The following ADGRV1 variants were observed in gnomAD, a reference collection of about 807,000 sequenced individuals.
ADGRV1 encodes adhesion G protein-coupled receptor V1.
In ADGRV1, 359 loss-of-function variants were observed where a neutral mutation model predicts 596.2. That is an observed-to-expected ratio of 0.60 (90% CI 0.55 to 0.66). The LOEUF is 0.66. Among genes scored for constraint, ADGRV1 ranks in the 30% least tolerant of loss-of-function variants. The pLI is 0.00. For missense variants in ADGRV1, 7,274 were observed against 7,575.6 expected (o/e 0.96, Z 1.48); for synonymous variants, 2,681 against 2,679.2 (o/e 1.00, Z -0.02).
At chr5:90,861,047 G>A (rs1029001201) in intron 82 of ADGRV1, among the ~76,000 whole-genome samples, 4 of 151,970 alleles carry the variant, frequency 2.6e-5, no homozygotes, top group Non-Finnish European at 5.9e-5. Context: ...TGTAGAGATA[G>A]ATAAGAGAAT....
chr5:90,814,994 T>TA (rs973574346), intron 74 of ADGRV1, among the ~76,000 whole-genome samples: 3 of 151,520 alleles, frequency 2.0e-5, no homozygotes, highest in African/African-American at 7.3e-5. Context: ...TTAAACATTT[T>TA]TTTTTTTAGT....
chr5:90,595,556 G>A (rs370530722), intron 1 of ADGRV1, among the ~76,000 whole-genome samples: 25,506 of 121,346 alleles, frequency 0.21, 2,677 homozygotes, highest in Non-Finnish European at 0.28. Flanking sequence ...GGCTGGCCGG[G>A]CGGGGGGCTG....
intron 5 of ADGRV1, among the ~76,000 whole-genome samples, chr5:90,624,685 C>G (rs1395881109): frequency 1.3e-5 from 2 of 152,094 alleles, no homozygotes; most frequent in African/African-American, 2.4e-5. Context: ...GTGTTCACTG[C>G]TAAATCTTTA....
At chr5:90,971,511 A>C (rs1238891029) in intron 84 of ADGRV1, among the ~76,000 whole-genome samples, 1 of 152,230 alleles carries the variant, frequency 6.6e-6, no homozygotes, top group Non-Finnish European at 1.5e-5. Context: ...TCTCCGCAGA[A>C]ACTCTACAAG....
At chr5:91,131,611 C>T (rs920251081) in intron 87 of ADGRV1, among the ~76,000 whole-genome samples, 3 of 151,684 alleles carry the variant, frequency 2.0e-5, no homozygotes, top group Non-Finnish European at 2.9e-5. Flanking sequence ...CCACCATGCC[C>T]GGCCTTTGTG....
chr5:90,828,569 A>G (rs1228807997), intron 76 of ADGRV1, among the ~76,000 whole-genome samples: 1 of 152,072 alleles, frequency 6.6e-6, no homozygotes, highest in African/African-American at 2.4e-5. Flanking sequence ...ACTTACTGTC[A>G]TATTTTGAGA....
At chr5:90,607,652 G>GT (rs1762269757) in intron 1 of ADGRV1, among the ~76,000 whole-genome samples, 1 of 152,144 alleles carries the variant, frequency 6.6e-6, no homozygotes, top group South Asian at 2.1e-4. Flanking sequence ...TAAGAGTAAA[G>GT]TTTTTTCTGT....
chr5:91,044,318 T>C (rs951362897), intron 85 of ADGRV1, among the ~76,000 whole-genome samples: 4 of 152,132 alleles, frequency 2.6e-5, no homozygotes, highest in African/African-American at 4.8e-5. Context: ...TCAGTATAAA[T>C]GAAGTAAAAC....
chr5:91,131,549 C>G (rs1794219421), intron 87 of ADGRV1, among the ~76,000 whole-genome samples: 1 of 151,370 alleles, frequency 6.6e-6, no homozygotes, highest in Admixed American at 6.6e-5. Context: ...CTTCTGGGTT[C>G]AGGGGATTCT....
At chr5:90,946,518 A>G (rs1171525728) in intron 83 of ADGRV1, among the ~76,000 whole-genome samples, 4 of 151,978 alleles carry the variant, frequency 2.6e-5, no homozygotes, top group Non-Finnish European at 5.9e-5. Context: ...TACGTAGGTA[A>G]ACGTGTGCTA....
chr5:90,825,401 A>G (rs923703707), intron 76 of ADGRV1, among the ~76,000 whole-genome samples: 2 of 152,232 alleles, frequency 1.3e-5, no homozygotes, highest in Admixed American at 6.5e-5. Flanking sequence ...CAACTTATGC[A>G]TAGTTTATAT....
chr5:90,965,439 G>A lies in ADGRV1; in HGVS notation c.17881G>A (p.Ala5961Thr), dbSNP rs751133309. ...GATTCTGTTTCTGGCGTCTGCATAC[G>A]CAAGTCCCCAACTCGCTGAGGAGAG... ...TQILFLASAY[A>T]SPQLAEESCS... The change falls in exon 84 of 90, where the codon GCA becomes ACA. Residue 5961 changes from alanine to threonine, a missense_variant. Around this residue, in one of 5 missense-constraint regions of ADGRV1, gnomAD observed 1,874 missense variants for 1,970.2 expected, o/e 0.95. Transcript: ENST00000405460. 8.7e-6 allele frequency: 14 copies of A among 1,612,388 alleles called. No individual in the cohort carries two copies. Among genetic ancestry groups the A allele is most frequent in the Non-Finnish European group, 1.0e-5 (12 of 1,178,534 alleles).
At chr5:90,643,644 T>C (rs761919965) in intron 13 of ADGRV1, among the ~76,000 whole-genome samples, 159 bp from the exon 14 acceptor site, 1 of 152,206 alleles carries the variant, frequency 6.6e-6, no homozygotes, top group East Asian at 1.9e-4. Context: ...GATAGGAGAA[T>C]GTTAATTTTT....
chr5:90,932,847 A>G (rs566067166), intron 83 of ADGRV1, among the ~76,000 whole-genome samples: 1 of 152,286 alleles, frequency 6.6e-6, no homozygotes, highest in South Asian at 2.1e-4. Context: ...ACATATATGT[A>G]TACATGTAAA....
At chr5:91,099,838 GAGAT>G (rs912068159) in intron 86 of ADGRV1, among the ~76,000 whole-genome samples, 1 of 152,156 alleles carries the variant, frequency 6.6e-6, no homozygotes, top group Non-Finnish European at 1.5e-5. Flanking sequence ...TCAATATATA[GAGAT>G]AGATAGAGTA....
intron 10 of ADGRV1, among the ~76,000 whole-genome samples, chr5:90,637,060 C>T (rs1252998770): frequency 7.2e-5 from 11 of 152,144 alleles, no homozygotes; most frequent in African/African-American, 2.7e-4. Flanking sequence ...TGGAGAGGCA[C>T]TGTCCTAGAT....
intron 48 of ADGRV1, 99 bp from the exon 49 acceptor site, chr5:90,728,570 T>C: frequency 9.9e-7 from 1 of 1,009,208 alleles, no homozygotes; most frequent in Non-Finnish European, 1.5e-6. Flanking sequence ...TTTAACTAAA[T>C]AAAAGGATCC....
chr5:90,995,006 G>A (rs1458278258), intron 85 of ADGRV1, among the ~76,000 whole-genome samples: 1 of 152,162 alleles, frequency 6.6e-6, no homozygotes, highest in Non-Finnish European at 1.5e-5. Context: ...AGAGTCTAGG[G>A]CCTTCTCAGG....
At chr5:90,684,340 G>A in intron 28 of ADGRV1, 145 bp downstream of exon 28, 1 of 753,452 alleles carries the variant, frequency 1.3e-6, no homozygotes, top group Non-Finnish European at 2.0e-6. Flanking sequence ...TTACCTGTAA[G>A]GTAACTGGAA....
Sources: gnomAD v4.1 joint callset for allele counts (sites outside exome capture counted in the v4.1 genomes callset) on GRCh38, gnomAD v4.1.1 for gene constraint, gnomAD v4.1.1 regional missense constraint, MANE v1.5 for transcripts, NCBI Gene and HGNC (gene_info 2026-07-23, HGNC 2026-07-21) for gene names.